MAGI2: variants seen among roughly 807,000 people sequenced by gnomAD.
MAGI2 encodes the protein membrane associated guanylate kinase, WW and PDZ domain containing 2.
MAGI2 carries 35 observed loss-of-function variants against 133.3 expected under a neutral mutation model. The observed-to-expected ratio is 0.26, with a 90% confidence interval of 0.20 to 0.35. The LOEUF (loss-of-function observed/expected upper bound fraction) is 0.35. MAGI2 is among the 10% of genes least tolerant of loss of function. The pLI is 1.00. For synonymous variants in MAGI2, 729 were observed against 710.6 expected, an observed-to-expected ratio of 1.03 and a Z score of -0.41; for missense variants, 1,636 against 1,863.4, an observed-to-expected ratio of 0.88 and a Z score of 2.25.
chr7:78,831,214 A>C (rs1791120139), intron 2 of MAGI2, among the ~76,000 whole-genome samples: 1 of 152,050 alleles, frequency 6.6e-6, no homozygotes, highest in Admixed American at 6.6e-5. Context: ...GGCCCCATCC[A>C]ATGGCTCATG....
intron 2 of MAGI2, among the ~76,000 whole-genome samples, chr7:78,930,011 G>T (rs985989301): frequency 1.3e-5 from 2 of 151,990 alleles, no homozygotes; most frequent in African/African-American, 4.8e-5. Flanking sequence ...ATTTTAAGAC[G>T]TCACCAGTAG....
chr7:78,068,803 C>T (rs188849377), intron 21 of MAGI2, among the ~76,000 whole-genome samples: 16 of 152,254 alleles, frequency 1.1e-4, no homozygotes, highest in African/African-American at 3.6e-4. Context: ...GTTGGACTTA[C>T]CCTGGAATTT....
chr7:78,310,269 T>C (rs960114616), intron 9 of MAGI2, among the ~76,000 whole-genome samples: 1 of 151,990 alleles, frequency 6.6e-6, no homozygotes, highest in African/African-American at 2.4e-5. Context: ...ACCCCGTCTC[T>C]ACTAAAAATA....
At chr7:78,113,161 G>A (rs1279675965) in intron 20 of MAGI2, among the ~76,000 whole-genome samples, 3 of 116,698 alleles carry the variant, frequency 2.6e-5, no homozygotes, top group African/African-American at 8.6e-5. Flanking sequence ...ACGCAGGGAG[G>A]GGGACTGGGG....
At chr7:78,697,190 G>A (rs1817611501) in intron 2 of MAGI2, among the ~76,000 whole-genome samples, 1 of 151,902 alleles carries the variant, frequency 6.6e-6, no homozygotes, top group South Asian at 2.1e-4. Flanking sequence ...TTCATTTAGG[G>A]AGAGCTTTGG....
chr7:79,250,848 TA>T (rs1185636265), intron 1 of MAGI2, among the ~76,000 whole-genome samples: 3 of 152,072 alleles, frequency 2.0e-5, no homozygotes, highest in Non-Finnish European at 2.9e-5. Context: ...TCAAATTATG[TA>T]GAGCTATAGT....
chr7:78,686,458 A>G (rs1585084081), intron 2 of MAGI2, among the ~76,000 whole-genome samples: 2 of 152,138 alleles, frequency 1.3e-5, no homozygotes, highest in Admixed American at 6.5e-5. Flanking sequence ...TTGTGTCCCT[A>G]TAATAGCCGG....
At position 79,190,168 on chromosome 7, in the gene MAGI2, G is replaced by A. The variant is rs140252628; in HGVS notation, c.302-182962C>T. Among the ~76,000 whole-genome samples the A allele has an allele frequency of 4.0e-4, 61 of 151,804 alleles. No homozygotes were observed. In the East Asian group the frequency reaches 0.011, roughly 27 times the overall value. On this transcript the variant is annotated intron_variant, in intron 1 of 21. Transcript: ENST00000354212. ...AAGGAGCATGGTTGTTGGACTGTCTGGTAAGACAATGTTAAGCTTTGTTAG... is the reference window on the plus strand; with the variant it reads ...AAGGAGCATGGTTGTTGGACTGTCTAGTAAGACAATGTTAAGCTTTGTTAG...
At position 78,848,610 on chromosome 7, in the gene MAGI2, C is replaced by T. The variant is rs190463472; in HGVS notation, c.418+158480G>A. Among the ~76,000 whole-genome samples the T allele has an allele frequency of 2.0e-5, 3 of 152,060 alleles. No individual in the cohort carries two copies. In the East Asian group the frequency reaches 5.8e-4, roughly 30 times the overall value. On this transcript the variant is annotated intron_variant, in intron 2 of 21. Coordinates refer to ENST00000354212, the MANE Select transcript of MAGI2 (RefSeq NM_012301.4). ...GACCTACTTCTACTGATCTCCTCTC[C>T]TACAATCCTGTCTCCTTGCACCCTA... is the stretch of plus-strand genomic sequence containing the variant.
At chr7:79,342,595 G>A (rs931308373) in intron 1 of MAGI2, among the ~76,000 whole-genome samples, 4 of 152,114 alleles carry the variant, frequency 2.6e-5, no homozygotes, top group African/African-American at 4.8e-5. Flanking sequence ...CATACAGTGC[G>A]TACTCACTTG....
intron 1 of MAGI2, among the ~76,000 whole-genome samples, chr7:79,041,649 T>C (rs1811680570): frequency 6.6e-6 from 1 of 152,154 alleles, no homozygotes; most frequent in South Asian, 2.1e-4. Context: ...TAGATATAGA[T>C]ATTTCATAAC....
chr7:78,450,753 T>C (rs1788641154), intron 6 of MAGI2, among the ~76,000 whole-genome samples: 8 of 152,082 alleles, frequency 5.3e-5, no homozygotes, highest in Admixed American at 4.6e-4. Flanking sequence ...ACGAAATGAT[T>C]AGTGATGCAG....
intron 2 of MAGI2, among the ~76,000 whole-genome samples, chr7:78,783,950 C>T (rs887800588): frequency 7.2e-5 from 11 of 152,132 alleles, no homozygotes; most frequent in African/African-American, 2.4e-4. Flanking sequence ...CGGAAACACC[C>T]GTTTTCTTCT....
intron 2 of MAGI2, among the ~76,000 whole-genome samples, chr7:78,781,849 G>A (rs1312321735): frequency 6.6e-6 from 1 of 152,052 alleles, no homozygotes; most frequent in Non-Finnish European, 1.5e-5. Context: ...TAAGAAATTG[G>A]GTATTAAAGA....
At chr7:78,333,388 G>A (rs747700878) in intron 9 of MAGI2, among the ~76,000 whole-genome samples, 22 of 152,282 alleles carry the variant, frequency 1.4e-4, no homozygotes, top group Middle Eastern at 3.4e-3. Flanking sequence ...GCATACTGCA[G>A]CAGATAAAAG....
At chr7:78,879,729 C>G (rs770197262) in intron 2 of MAGI2, among the ~76,000 whole-genome samples, 7 of 151,804 alleles carry the variant, frequency 4.6e-5, no homozygotes, top group Non-Finnish European at 8.8e-5. Flanking sequence ...ACAATAATCC[C>G]AAACTGGAAT....
At chr7:78,188,665 T>C (rs1349920178) in intron 12 of MAGI2, among the ~76,000 whole-genome samples, 1 of 152,162 alleles carries the variant, frequency 6.6e-6, no homozygotes, top group African/African-American at 2.4e-5. Context: ...ACCAGCAGTG[T>C]TCAAGCAAAT....
rs929258720 is a variant in MAGI2 at position 78,202,813 on chromosome 7, T to C, written c.2048-1620A>G. On this transcript the variant is annotated intron_variant, in intron 10 of 21. Coordinates refer to ENST00000354212, the MANE Select transcript of MAGI2 (RefSeq NM_012301.4). ...TACCCAAGAAGTTGGTAAAATTAGC[T>C]CTCTTTCTGTCTTACATATGCTGTT... is the stretch of plus-strand genomic sequence containing the variant. Among the ~76,000 whole-genome samples, 2 of 152,110 alleles carry C rather than the reference T, an allele frequency of 1.3e-5. 1 individual carries two copies. The highest frequency in any genetic ancestry group is 6.3e-3 in the Middle Eastern group (2 of 316).
Position 79,022,370 on chromosome 7 carries a change from C to A in MAGI2, c.302-15164G>T, listed in dbSNP as rs541528501. 2.6e-5 allele frequency among the ~76,000 whole-genome samples: 4 copies of A among 152,010 alleles called. No homozygotes were observed. The South Asian group carries it at 8.3e-4, about 32-fold the overall frequency. ...CATACCAGAATCTCTGAGATACATC[C>A]AAAGCAGTGATAAGAGGGGAGTTTA... is the stretch of plus-strand genomic sequence containing the variant. On this transcript the variant is annotated intron_variant, in intron 1 of 21. Coordinates refer to ENST00000354212, the MANE Select transcript of MAGI2 (RefSeq NM_012301.4).
Sources: gnomAD v4.1 joint callset for allele counts (sites outside exome capture counted in the v4.1 genomes callset) on GRCh38, gnomAD v4.1.1 for gene constraint, MANE v1.5 for transcripts, NCBI Gene and HGNC (gene_info 2026-07-23, HGNC 2026-07-21) for gene names.